Variants in HLA-DQB2 observed in about 807,000 individuals in gnomAD.
HLA-DQB2 encodes the protein major histocompatibility complex, class II, DQ beta 2.
Under a neutral mutation model 29.2 loss-of-function variants are expected in HLA-DQB2, and 24 were observed. The ratio of observed to expected loss-of-function variants is 0.82; its 90% confidence interval spans 0.60 to 1.16. The LOEUF is 1.16. Among genes scored for constraint, HLA-DQB2 ranks in the 50% most tolerant of loss-of-function variants. The probability of loss-of-function intolerance (pLI) is 0.00; values close to 1 mark genes in which losing one functional copy is unlikely to be tolerated. For synonymous variants in HLA-DQB2, 104 were observed against 133.1 expected (o/e 0.78, Z 1.51); for missense variants, 273 against 343.6 (o/e 0.79, Z 1.62).
rs990508963 is a variant in HLA-DQB2 at position 32,756,778 on chromosome 6, G to A, written c.782-312C>T. On this transcript the variant is annotated intron_variant, in intron 5 of 5. Transcript: ENST00000437316. ...GCAGCCTCTTTTAGTCACTGAAAAT[G>A]CCTACAGGCAGTAGCTAACAAAATG... is the stretch of plus-strand genomic sequence containing the variant. 1.0e-5 allele frequency: 13 copies of A among 1,248,928 alleles called. No individual in the cohort carries two copies. The Admixed American group carries it at 2.3e-4, about 22-fold the overall frequency. 77.4% of individuals were successfully genotyped at this position (1,248,928 alleles called of 1,614,324 possible).
At position 32,763,458 on chromosome 6, in the gene HLA-DQB2, T is replaced by A. The variant is rs1174584354; in HGVS notation, c.13A>T (p.Ile5Phe). The A allele has an allele frequency of 1.3e-6, 2 of 1,556,628 alleles. No homozygotes were observed. Among genetic ancestry groups the A allele is most frequent in the Admixed American group, 1.9e-5 (1 of 51,544 alleles). Residue 5 changes from isoleucine to phenylalanine, a missense_variant, in exon 1 of 6, where the codon ATC (isoleucine) becomes TTC (phenylalanine). Transcript: ENST00000437316. Reference protein sequence around the residue: MALQIPGGFWAAAVT... With the variant: MALQFPGGFWAAAVT... ...GCTGCTGCCCAAAAGCCTCCAGGGA[T>A]CTGCAGAGCCATCTTCCAAGACGTA...
intron 2 of HLA-DQB2, among the ~76,000 whole-genome samples, chr6:32,760,938 C>G (rs550950390): frequency 3.9e-5 from 6 of 152,324 alleles, no homozygotes; most frequent in Non-Finnish European, 7.3e-5. Context: ...TCCCTTGAGC[C>G]TAAGTGGATG....
chr6:32,757,794 T>C lies in HLA-DQB2; in HGVS notation c.736A>G (p.Ile246Val), dbSNP rs1293251242. The C allele has an allele frequency of 3.1e-6, 5 of 1,613,292 alleles. No homozygotes were observed. Among genetic ancestry groups the C allele is most frequent in the Non-Finnish European group, 4.2e-6 (5 of 1,179,740 alleles). Residue 246 changes from isoleucine to valine, a missense_variant, in exon 4 of 6, where the codon ATC (isoleucine) becomes GTC (valine). By Grantham distance (29) the Ile-to-Val change is conservative. Transcript: ENST00000437316. ...TCACCTTTCTGACCCCTGTGACGGA[T>C]GATAAGGCCCAGCCCGAGGAAGATC... is the stretch of plus-strand genomic sequence containing the variant. Reference protein sequence around the residue: ...GLIFLGLGLIIRHRGQKGPRG... With the variant: ...GLIFLGLGLIVRHRGQKGPRG...
Position 32,763,459 on chromosome 6 carries a change from C to A in HLA-DQB2, c.12G>T (p.Gln4His). Residue 4 changes from glutamine (Q) to histidine (H), a missense_variant, in exon 1 of 6, where the codon CAG becomes CAT. Coordinates refer to ENST00000437316, the MANE Select transcript of HLA-DQB2 (RefSeq NM_001300790.2). The part of the protein sequence containing the change: MAL[Q>H]IPGGFWAAAV... ...CTGCTGCCCAAAAGCCTCCAGGGAT[C>A]TGCAGAGCCATCTTCCAAGACGTAA... is the stretch of plus-strand genomic sequence containing the variant. The A allele has an allele frequency of 6.4e-7, 1 of 1,556,364 alleles. No homozygotes were observed.
chr6:32,761,814 G>T lies in HLA-DQB2; in HGVS notation c.210C>A (p.Ser70Arg). The part of the protein sequence containing the change: ...YNREEYGRFD[S>R]DVGEFQAVTE... Reference sequence around the variant, plus strand: ...TCACCGCCTGGAACTCCCCAACGTCGCTGTCGAAGCGCCCGTACTCCTCGC... The same window carrying T: ...TCACCGCCTGGAACTCCCCAACGTCTCTGTCGAAGCGCCCGTACTCCTCGC... The change falls in exon 2 of 6, where the codon AGC becomes AGA. Residue 70 changes from serine (S) to arginine (R), a missense_variant. Physicochemically the swap from Ser to Arg is moderately radical, Grantham distance 110. Coordinates refer to ENST00000437316, the MANE Select transcript of HLA-DQB2 (RefSeq NM_001300790.2). The T allele has an allele frequency of 6.2e-7, 1 of 1,601,544 alleles. No individual in the cohort carries two copies. The highest frequency in any genetic ancestry group is 8.5e-7 in the Non-Finnish European group (1 of 1,174,070).
In HLA-DQB2 at chr6:32,759,231, A is replaced by G. The variant is rs546991844; in HGVS notation, c.365-100T>C. The G allele has an allele frequency of 2.2e-5, 30 of 1,382,762 alleles. No homozygotes were observed. The South Asian group carries it at 3.5e-4, about 16-fold the overall frequency. 85.7% of individuals were successfully genotyped at this position (1,382,762 alleles called of 1,614,324 possible). On this transcript the variant is annotated intron_variant, in intron 2 of 5. Transcript: ENST00000437316. ...GTCCCTCCTTGGAACCAGAATAGAAAGATACCTGGAGTCCAAGTCTTGGAT... is the reference window on the plus strand; with the variant it reads ...GTCCCTCCTTGGAACCAGAATAGAAGGATACCTGGAGTCCAAGTCTTGGAT...
intron 5 of HLA-DQB2, chr6:32,757,078 G>A: frequency 1.4e-6 from 2 of 1,423,816 alleles, no homozygotes; most frequent in Non-Finnish European, 1.8e-6. Context: ...GGAGTGCAGT[G>A]GCGCCATCTT....
intron 3 of HLA-DQB2, 56 bp downstream of exon 3, chr6:32,758,794 A>G (rs1179834887): frequency 1.8e-5 from 28 of 1,564,436 alleles, no homozygotes; most frequent in Non-Finnish European, 2.4e-5. Flanking sequence ...GATCAGCGGG[A>G]GCTCTGCCCT....
chr6:32,759,135 A>G lies in HLA-DQB2; in HGVS notation c.365-4T>C. ...GAGATGGTCACTGTGGGCTCCACTGAGGGCAGTAACAGACAGGGAAAGATA... is the reference window on the plus strand; with the variant it reads ...GAGATGGTCACTGTGGGCTCCACTGGGGGCAGTAACAGACAGGGAAAGATA... On this transcript the variant is annotated splice_region_variant and splice_polypyrimidine_tract_variant and intron_variant, in intron 2 of 5. Coordinates refer to ENST00000437316, the MANE Select transcript of HLA-DQB2 (RefSeq NM_001300790.2). 2 of 1,612,978 alleles carry G rather than the reference A, an allele frequency of 1.2e-6. No individual in the cohort carries two copies. The highest frequency in any genetic ancestry group is 1.7e-6 in the Non-Finnish European group (2 of 1,179,646).
chr6:32,757,409 C>T (rs1332008800), intron 4 of HLA-DQB2, 105 bp from the exon 5 acceptor site: 1 of 856,458 alleles, frequency 1.2e-6, no homozygotes, highest in Non-Finnish European at 1.9e-6. Context: ...ATATCCTCTT[C>T]CCTCCCATGT....
chr6:32,759,613 T>C (rs935013573), intron 2 of HLA-DQB2, among the ~76,000 whole-genome samples: 1 of 152,270 alleles, frequency 6.6e-6, no homozygotes, highest in African/African-American at 2.4e-5. Context: ...AAATATTTAA[T>C]GTATGCTTTA....
chr6:32,761,044 A>G (rs1320351519), intron 2 of HLA-DQB2, among the ~76,000 whole-genome samples: 1 of 152,100 alleles, frequency 6.6e-6, no homozygotes, highest in Non-Finnish European at 1.5e-5. Flanking sequence ...TGCAATGATT[A>G]AAACACTCTC....
Position 32,761,728 on chromosome 6 carries a change from C to T in HLA-DQB2, c.296G>A (p.Arg99Gln). 6.4e-7 allele frequency: 1 copy of T among 1,554,558 alleles called. No individual in the cohort carries two copies. Among genetic ancestry groups the T allele is most frequent in the Non-Finnish European group, 8.7e-7 (1 of 1,148,946 alleles). ...TCTGCACACCTTGTCCACCGCGGCC[C>T]GCTCCTGCTCCAAGAAGTCCTTATA... ...NNYKDFLEQERAAVDKVCRHN... is the reference protein window; with the variant it reads ...NNYKDFLEQEQAAVDKVCRHN... The change falls in exon 2 of 6, where the codon CGG becomes CAG. Residue 99 changes from arginine (R) to glutamine (Q), a missense_variant. Transcript: ENST00000437316.
rs184113387 is a variant in HLA-DQB2 at position 32,759,081 on chromosome 6, G to A, written c.415C>T (p.His139Tyr). Reference sequence around the variant, plus strand: ...GTCACCGAGCAGACCAGCAGGTTGTGGTGGTTGAGGGCCTCTGTCCTGGAT... The same window carrying A: ...GTCACCGAGCAGACCAGCAGGTTGTAGTGGTTGAGGGCCTCTGTCCTGGAT... ...SPSRTEALNHHNLLVCSVTDF... is the reference protein window; with the variant it reads ...SPSRTEALNHYNLLVCSVTDF... Residue 139 changes from histidine (H) to tyrosine (Y), a missense_variant, in exon 3 of 6, where the codon CAC (histidine) becomes TAC (tyrosine). Coordinates refer to ENST00000437316, the MANE Select transcript of HLA-DQB2 (RefSeq NM_001300790.2). The A allele has an allele frequency of 1.5e-5, 25 of 1,613,984 alleles. No individual in the cohort carries two copies. In the Admixed American group the frequency reaches 3.0e-4, roughly 19 times the overall value.
chr6:32,759,873 A>G (rs1171371375), intron 2 of HLA-DQB2, among the ~76,000 whole-genome samples: 1 of 152,240 alleles, frequency 6.6e-6, no homozygotes, highest in African/African-American at 2.4e-5. Flanking sequence ...TGCTGAGGTC[A>G]GCAGGTAGCA....
intron 2 of HLA-DQB2, among the ~76,000 whole-genome samples, chr6:32,760,879 G>T (rs1764725288): frequency 1.3e-5 from 2 of 151,934 alleles, no homozygotes; most frequent in Non-Finnish European, 2.9e-5. Context: ...CAAAATAATA[G>T]AAAATAATTG....
intron 5 of HLA-DQB2, 140 bp from the exon 6 acceptor site, chr6:32,756,606 T>C (rs199599281): frequency 1.9e-4 from 277 of 1,454,200 alleles, no homozygotes; most frequent in Non-Finnish European, 1.9e-4. Flanking sequence ...CCCCAATATC[T>C]GTGTAAAGGT....
chr6:32,760,069 G>GA (rs766024122), intron 2 of HLA-DQB2, among the ~76,000 whole-genome samples: 4 of 108,086 alleles, frequency 3.7e-5, no homozygotes, highest in African/African-American at 6.8e-5. Flanking sequence ...AAATTCATGA[G>GA]AAAAAAATGA....
At chr6:32,758,548 T>A (rs1246832885) in intron 3 of HLA-DQB2, among the ~76,000 whole-genome samples, 2 of 152,202 alleles carry the variant, frequency 1.3e-5, no homozygotes, top group Non-Finnish European at 2.9e-5. Context: ...TTCTTTATAG[T>A]GGAGTGAGAA....
Sources: gnomAD v4.1 joint callset for allele counts (sites outside exome capture counted in the v4.1 genomes callset) on GRCh38, gnomAD v4.1.1 for gene constraint, MANE v1.5 for transcripts, NCBI Gene and HGNC (gene_info 2026-07-23, HGNC 2026-07-21) for gene names.